Variants in GRID1 observed in about 807,000 individuals in gnomAD.
The protein encoded by GRID1 is glutamate ionotropic receptor delta type subunit 1.
Under a neutral mutation model 98.0 loss-of-function variants are expected in GRID1, and 28 were observed. The ratio of observed to expected loss-of-function variants is 0.29; its 90% CI spans 0.21 to 0.39. GRID1 has a LOEUF of 0.39. Ranked by LOEUF, GRID1 falls within the 10% of genes least tolerant of loss-of-function variation. The pLI is 1.00. For synonymous variants in GRID1, 553 were observed against 538.5 expected (o/e 1.03, Z -0.37); for missense variants, 1,111 against 1,340.5 (o/e 0.83, Z 2.67).
At chr10:86,120,565 T>C (rs1844650586) in intron 4 of GRID1, among the ~76,000 whole-genome samples, 1 of 152,210 alleles carries the variant, frequency 6.6e-6, no homozygotes, top group Non-Finnish European at 1.5e-5. Flanking sequence ...TGAAAAATCA[T>C]GGCCCACAAT....
chr10:86,354,016 G>C (rs1848499549), intron 2 of GRID1, among the ~76,000 whole-genome samples: 1 of 152,120 alleles, frequency 6.6e-6, no homozygotes, highest in African/African-American at 2.4e-5. Context: ...GCCAGAGTGG[G>C]GCCACTCCAT....
At chr10:86,016,324 T>A (rs1842980063) in intron 4 of GRID1, among the ~76,000 whole-genome samples, 1 of 151,806 alleles carries the variant, frequency 6.6e-6, no homozygotes, top group Non-Finnish European at 1.5e-5. Flanking sequence ...TTTTTTGTAT[T>A]TTTAGTAGAG....
rs745750268 is a variant in GRID1, at chr10:86,366,324, G to A, written c.69C>T (p.Ile23=). ...CQCVSVRADS[I]IHIGAIFEEN... is the part of the protein sequence containing the mutation. ...TCCAGCCGCGCTTACCGATGTGGATGATGGAGTCGGCCCGCACCGACACGC... is the reference window on the plus strand; with the variant it reads ...TCCAGCCGCGCTTACCGATGTGGATAATGGAGTCGGCCCGCACCGACACGC... The change falls in exon 1 of 16, where the codon ATC becomes ATT. Residue 23 remains isoleucine, a synonymous_variant. Transcript: ENST00000327946. The surrounding 1 kb of genome is among the most constrained non-coding windows in gnomAD (Gnocchi z 4.1). The A allele has an allele frequency of 2.0e-5, 30 of 1,505,368 alleles. No homozygotes were observed. In the African/African-American group the frequency reaches 4.0e-4, roughly 20 times the overall value. 93.3% of individuals were successfully genotyped at this position (1,505,368 alleles called of 1,614,324 possible). A position where few individuals can be genotyped will look rare whatever the true frequency, so the allele number is the denominator to read the frequency against.
In GRID1 at chr10:85,647,186, G is replaced by A. The variant is rs556394573; in HGVS notation, c.2193+16C>T. 39 of 1,610,288 alleles carry A rather than the reference G, an allele frequency of 2.4e-5. No individual in the cohort carries two copies. Among genetic ancestry groups the A allele is most frequent in the African/African-American group, 5.3e-5 (4 of 74,988 alleles). On this transcript the variant is annotated intron_variant, in intron 13 of 15. Coordinates refer to ENST00000327946, the MANE Select transcript of GRID1 (RefSeq NM_017551.3). ...CCTGTTACAGTGCACGTGCCCAAGCGCCAGCTCCTGCCTACCTTCCTGATG... is the reference window on the plus strand; with the variant it reads ...CCTGTTACAGTGCACGTGCCCAAGCACCAGCTCCTGCCTACCTTCCTGATG...
At chr10:85,627,485 T>A (rs1437298976) in intron 13 of GRID1, among the ~76,000 whole-genome samples, 1 of 152,250 alleles carries the variant, frequency 6.6e-6, no homozygotes, top group South Asian at 2.1e-4. Context: ...ATGTAAAACT[T>A]TATGTTTGTG....
intron 3 of GRID1, among the ~76,000 whole-genome samples, chr10:86,143,419 C>A (rs2131975167): frequency 6.6e-6 from 1 of 152,232 alleles, no homozygotes; most frequent in Admixed American, 6.5e-5. Flanking sequence ...TCTGCTGCTG[C>A]TGCTCACACA....
intron 5 of GRID1, among the ~76,000 whole-genome samples, chr10:85,877,450 TCCACTGTTCTACAGCCA>T (rs1353024408): frequency 6.6e-6 from 1 of 152,110 alleles, no homozygotes; most frequent in African/African-American, 2.4e-5. Flanking sequence ...GTCACCAAAA[TCCACTGTTCTACAGCCA>T]CCGCTGTTCT....
chr10:85,638,507 A>G (rs1843076438), intron 13 of GRID1, among the ~76,000 whole-genome samples: 1 of 152,224 alleles, frequency 6.6e-6, no homozygotes, highest in African/African-American at 2.4e-5. Context: ...TATATGGATC[A>G]ATGGAACAGA....
intron 8 of GRID1, among the ~76,000 whole-genome samples, chr10:85,804,816 C>T (rs1842607774): frequency 6.6e-6 from 1 of 151,598 alleles, no homozygotes; most frequent in South Asian, 2.1e-4. Context: ...TGGATAAAGC[C>T]CATGTTCAAA....
intron 8 of GRID1, among the ~76,000 whole-genome samples, chr10:85,790,355 A>G (rs556970116): frequency 5.3e-5 from 8 of 152,362 alleles, no homozygotes; most frequent in South Asian, 4.1e-4. Flanking sequence ...TCACTAGGCA[A>G]TTGTCCTCAG....
At chr10:86,168,058 ACATGG>A (rs1244459223) in intron 3 of GRID1, among the ~76,000 whole-genome samples, 1 of 152,214 alleles carries the variant, frequency 6.6e-6, no homozygotes, top group East Asian at 1.9e-4. Context: ...ATGGAGGCAG[ACATGG>A]CATCAGTGGT....
intron 4 of GRID1, among the ~76,000 whole-genome samples, chr10:86,010,931 AG>A (rs1303985894): frequency 2.0e-5 from 3 of 152,188 alleles, no homozygotes; most frequent in Non-Finnish European, 4.4e-5. Flanking sequence ...TGAATCATGA[AG>A]GCTATCAAGA....
intron 8 of GRID1, among the ~76,000 whole-genome samples, chr10:85,822,647 G>A (rs373930367): frequency 3.3e-5 from 5 of 152,218 alleles, no homozygotes; most frequent in South Asian, 2.1e-4. Flanking sequence ...TCAGGGATCT[G>A]GAACTAGAAA....
chr10:86,300,814 C>A (rs1019524382), intron 2 of GRID1, among the ~76,000 whole-genome samples: 6 of 152,104 alleles, frequency 3.9e-5, no homozygotes, highest in Non-Finnish European at 8.8e-5. Context: ...CAGCCACTTC[C>A]CACTCCCACC....
At chr10:86,240,677 G>GAA (rs1208745548) in intron 2 of GRID1, among the ~76,000 whole-genome samples, 1 of 152,180 alleles carries the variant, frequency 6.6e-6, no homozygotes, top group Non-Finnish European at 1.5e-5. Context: ...CTCCCCTATG[G>GAA]AATGTGCTGC....
chr10:85,673,932 C>A (rs934307148), intron 12 of GRID1, among the ~76,000 whole-genome samples: 1 of 151,520 alleles, frequency 6.6e-6, no homozygotes, highest in Non-Finnish European at 1.5e-5. Context: ...TAGATGGGAC[C>A]AGTTTATTGC....
chr10:86,265,634 T>C (rs988087709), intron 2 of GRID1, among the ~76,000 whole-genome samples: 4 of 152,178 alleles, frequency 2.6e-5, no homozygotes, highest in African/African-American at 9.6e-5. Flanking sequence ...CTTGCAGCCA[T>C]AGAGGTTGGA....
chr10:85,767,621 G>A (rs1842210631), intron 8 of GRID1, among the ~76,000 whole-genome samples: 1 of 152,176 alleles, frequency 6.6e-6, no homozygotes, highest in South Asian at 2.1e-4. Flanking sequence ...CTGGGTCAGG[G>A]AGATGGAAAA....
At chr10:85,655,567 AT>A (rs371597622) in intron 12 of GRID1, among the ~76,000 whole-genome samples, 1 of 152,222 alleles carries the variant, frequency 6.6e-6, no homozygotes, top group African/African-American at 2.4e-5. Flanking sequence ...AAACACCAGC[AT>A]GGTGATTCTA....
Sources: gnomAD v4.1 joint callset for allele counts (sites outside exome capture counted in the v4.1 genomes callset) on GRCh38, gnomAD v4.1.1 for gene constraint, Gnocchi (gnomAD v3.1) non-coding constraint, MANE v1.5 for transcripts, NCBI Gene and HGNC (gene_info 2026-07-23, HGNC 2026-07-21) for gene names.